L2HGDH: variants seen among roughly 807,000 people sequenced by gnomAD.
The protein encoded by L2HGDH is L-2-hydroxyglutarate dehydrogenase, mitochondrial.
Under a neutral mutation model 51.5 loss-of-function variants are expected in L2HGDH, and 34 were observed. That is an observed-to-expected ratio of 0.66 (90% confidence interval 0.50 to 0.88). The LOEUF (loss-of-function observed/expected upper bound fraction) is 0.88. Among genes scored for constraint, L2HGDH ranks in the 40% least tolerant of loss-of-function variants. The pLI, the probability that L2HGDH is intolerant of heterozygous loss-of-function variation, is 0.00. For synonymous variants in L2HGDH, 198 were observed against 197.9 expected, an observed-to-expected ratio of 1.00 and a Z score of -0.01; for missense variants, 558 against 571.9, an observed-to-expected ratio of 0.98 and a Z score of 0.25.
chr14:50,303,627 A>T (rs938987969), intron 1 of L2HGDH, among the ~76,000 whole-genome samples: 2 of 151,350 alleles, frequency 1.3e-5, no homozygotes, highest in South Asian at 4.2e-4. Flanking sequence ...AAATACAAAA[A>T]TTAGCTGGGT....
chr14:50,285,064 T>C (rs895276436), intron 4 of L2HGDH, among the ~76,000 whole-genome samples: 2 of 152,248 alleles, frequency 1.3e-5, no homozygotes, highest in African/African-American at 4.8e-5. Flanking sequence ...TGGCCAATTA[T>C]GGTGAAACCT....
intron 9 of L2HGDH, among the ~76,000 whole-genome samples, chr14:50,254,378 A>C (rs995328720): frequency 6.6e-6 from 1 of 152,134 alleles, no homozygotes; most frequent in Non-Finnish European, 1.5e-5. Context: ...ACCACATAGA[A>C]CACAAAAAGA....
At chr14:50,249,483 C>T (rs1312577637) in intron 9 of L2HGDH, among the ~76,000 whole-genome samples, 2 of 151,860 alleles carry the variant, frequency 1.3e-5, no homozygotes, top group Non-Finnish European at 2.9e-5. Flanking sequence ...GGATATGGCA[C>T]TGGGCAGAGT....
chr14:50,267,691 C>T, intron 8 of L2HGDH, 62 bp downstream of exon 8: 2 of 1,336,572 alleles, frequency 1.5e-6, no homozygotes, highest in Non-Finnish European at 2.1e-6. Context: ...TCAAGAAAGA[C>T]AAAACTTCCC....
At chr14:50,306,458 G>A (rs1358905548) in intron 1 of L2HGDH, among the ~76,000 whole-genome samples, 1 of 152,110 alleles carries the variant, frequency 6.6e-6, no homozygotes. Flanking sequence ...GTTCAACTAT[G>A]ATGCTATGTT....
chr14:50,265,318 G>C (rs1270793415), intron 9 of L2HGDH, 40 bp downstream of exon 9: 1 of 1,569,666 alleles, frequency 6.4e-7, no homozygotes, highest in Non-Finnish European at 8.8e-7. Flanking sequence ...AGTTCACATA[G>C]GTCAGGACTG....
At position 50,247,411 on chromosome 14, in the gene L2HGDH, A is replaced by G. The variant is rs17122318; in HGVS notation, c.1197-158T>C. 0.031 allele frequency among the ~76,000 whole-genome samples: 4,709 copies of G among 152,340 alleles called. 231 individuals carry two copies. Among genetic ancestry groups the G allele is most frequent in the African/African-American group, 0.11 (4,403 of 41,560 alleles). The stretch of plus-strand genomic sequence containing the variant: ...TGTTTAACCAAAGGCTGTCAGTTGT[A>G]GCCTGTCAAACCTATATTGTTAGCT... On this transcript the variant is annotated intron_variant, in intron 9 of 9. Coordinates refer to ENST00000267436, the MANE Select transcript of L2HGDH (RefSeq NM_024884.3).
Position 50,246,949 on chromosome 14 carries a change from T to C in L2HGDH, c.*109A>G. ...ATTTTAACAATGCAGTGGTTATCTT[T>C]GACCTAAAAACTAAAGTTTAAAAAC... is the stretch of plus-strand genomic sequence containing the variant. On this transcript the variant is annotated 3_prime_UTR_variant, in exon 10 of 10. Coordinates refer to ENST00000267436, the MANE Select transcript of L2HGDH (RefSeq NM_024884.3). 1.4e-6 allele frequency: 2 copies of C among 1,420,904 alleles called. No individual in the cohort carries two copies. Among genetic ancestry groups the C allele is most frequent in the Non-Finnish European group, 1.9e-6 (2 of 1,055,932 alleles). The allele number at this position is 1,420,904 out of a possible 1,614,324, so 88.0% of individuals were successfully genotyped here. A position where few individuals can be genotyped will look rare whatever the true frequency, so the allele number is the denominator to read the frequency against.
At chr14:50,299,356 C>T (rs2030269359) in intron 3 of L2HGDH, among the ~76,000 whole-genome samples, 1 of 152,084 alleles carries the variant, frequency 6.6e-6, no homozygotes, top group African/African-American at 2.4e-5. Context: ...AAGAAAAGCC[C>T]AGAACCTGAT....
At chr14:50,265,042 G>A (rs151165066) in intron 9 of L2HGDH, among the ~76,000 whole-genome samples, 58 of 152,242 alleles carry the variant, frequency 3.8e-4, no homozygotes, top group Middle Eastern at 6.8e-3. Context: ...CAGGCAAGTT[G>A]TTTTTATCAG....
At chr14:50,298,883 A>G (rs559260282) in intron 3 of L2HGDH, among the ~76,000 whole-genome samples, 37 of 152,348 alleles carry the variant, frequency 2.4e-4, no homozygotes, top group Non-Finnish European at 5.1e-4. Flanking sequence ...ACATCAAAAA[A>G]GTAGAAGAAC....
At chr14:50,249,567 C>T (rs1888214391) in intron 9 of L2HGDH, among the ~76,000 whole-genome samples, 2 of 152,116 alleles carry the variant, frequency 1.3e-5, no homozygotes, top group Non-Finnish European at 2.9e-5. Context: ...AGGGAACCTA[C>T]TGCCTTGGAG....
rs2139970112 is a variant in L2HGDH at position 50,265,401 on chromosome 14, G to A, written c.1153C>T (p.Leu385Phe). ...ACFLGATVKY[L>F]QKFIPEITIS... ...GTAATTTCAGGGATGAATTTTTGAAGATACTTCACTGTTGCACCAAGAAAA... is the reference window on the plus strand; with the variant it reads ...GTAATTTCAGGGATGAATTTTTGAAAATACTTCACTGTTGCACCAAGAAAA... Residue 385 changes from leucine (L) to phenylalanine (F), a missense_variant, in exon 9 of 10, where the codon CTT becomes TTT. Transcript: ENST00000267436. The A allele has an allele frequency of 6.2e-7, 1 of 1,612,264 alleles. No individual in the cohort carries two copies. The highest frequency in any genetic ancestry group is 2.2e-5 in the East Asian group (1 of 44,820).
Position 50,245,015 on chromosome 14 carries a change from C to T in L2HGDH, c.*2043G>A, listed in dbSNP as rs1019654272. 14 of 985,248 alleles carry T rather than the reference C, an allele frequency of 1.4e-5. No homozygotes were observed. Among genetic ancestry groups the T allele is most frequent in the South Asian group, 4.7e-5 (1 of 21,276 alleles). The allele number at this position is 985,248 out of a possible 1,614,324, so 61.0% of individuals were successfully genotyped here. A position where few individuals can be genotyped will look rare whatever the true frequency, so the allele number is the denominator to read the frequency against. On this transcript the variant is annotated 3_prime_UTR_variant, in exon 10 of 10. Transcript: ENST00000267436. ...ACTTTCTAAATTATAAGAATAATTT[C>T]GATAGATACCACAAAACACATATAT... is the stretch of plus-strand genomic sequence containing the variant.
chr14:50,256,514 C>A (rs1456214800), intron 9 of L2HGDH, among the ~76,000 whole-genome samples: 5 of 141,842 alleles, frequency 3.5e-5, no homozygotes, highest in Admixed American at 7.2e-5. Context: ...GAGAGCCTGT[C>A]TTACAAAAAA....
chr14:50,290,862 A>G (rs1414908696), intron 4 of L2HGDH, among the ~76,000 whole-genome samples: 1 of 152,016 alleles, frequency 6.6e-6, no homozygotes, highest in African/African-American at 2.4e-5. Flanking sequence ...TCACAAAATA[A>G]TGTTCTTCTT....
chr14:50,246,835 G>T lies in L2HGDH; in HGVS notation c.*223C>A, dbSNP rs992075837. ...TCTGCTCGGTTCAATTGATTCTCCT[G>T]CCTCAGCCTCCTGAGTAGCTGAGAT... On this transcript the variant is annotated 3_prime_UTR_variant, in exon 10 of 10. Coordinates refer to ENST00000267436, the MANE Select transcript of L2HGDH (RefSeq NM_024884.3). 1.5e-4 allele frequency: 95 copies of T among 630,650 alleles called. No individual in the cohort carries two copies. The highest frequency in any genetic ancestry group is 2.2e-4 in the Non-Finnish European group (86 of 399,818). 39.1% of individuals were successfully genotyped at this position (630,650 alleles called of 1,614,324 possible). A position where few individuals can be genotyped will look rare whatever the true frequency, so the allele number is the denominator to read the frequency against.
chr14:50,283,859 A>T lies in L2HGDH; in HGVS notation c.703+12T>A, dbSNP rs12433038. 1.9e-6 allele frequency: 3 copies of T among 1,611,836 alleles called. No individual in the cohort carries two copies. Among genetic ancestry groups the T allele is most frequent in the Non-Finnish European group, 2.5e-6 (3 of 1,178,256 alleles). ...CTGACTATATTCAATAGAAAAGACA[A>T]GGATGGCTTACCATCTATACTTCTT... On this transcript the variant is annotated intron_variant, in intron 5 of 9. Coordinates refer to ENST00000267436, the MANE Select transcript of L2HGDH (RefSeq NM_024884.3).
At chr14:50,247,405 A>G in intron 9 of L2HGDH, 152 bp from the exon 10 acceptor site, 2 of 1,259,076 alleles carry the variant, frequency 1.6e-6, no homozygotes, top group Non-Finnish European at 2.2e-6. Context: ...AAAGGCTGTC[A>G]GTTGTAGCCT....
Sources: gnomAD v4.1 joint callset for allele counts (sites outside exome capture counted in the v4.1 genomes callset) on GRCh38, gnomAD v4.1.1 for gene constraint, MANE v1.5 for transcripts, NCBI Gene and HGNC (gene_info 2026-07-23, HGNC 2026-07-21) for gene names.